Variants in ZMYM2 observed in about 807,000 individuals in gnomAD.
The protein encoded by ZMYM2 is zinc finger MYM-type containing 2.
A neutral mutation model predicts 162.8 loss-of-function variants in ZMYM2; 56 were observed. That is an observed-to-expected ratio of 0.34 (90% confidence interval 0.28 to 0.43). The LOEUF (loss-of-function observed/expected upper bound fraction) is 0.43, where lower values mean the gene tolerates loss of function less well. Among genes scored for constraint, ZMYM2 ranks in the 20% least tolerant of loss-of-function variants. The pLI is 1.00. For missense variants in ZMYM2, 1,275 were observed against 1,621.8 expected, an observed-to-expected ratio of 0.79 and a Z score of 3.67; for synonymous variants, 510 against 541.6, an observed-to-expected ratio of 0.94 and a Z score of 0.81.
intron 6 of ZMYM2, among the ~76,000 whole-genome samples, chr13:20,015,755 C>G (rs966145772): frequency 3.9e-5 from 6 of 152,052 alleles, no homozygotes; most frequent in African/African-American, 1.4e-4. Context: ...GTCAGTTTTT[C>G]ACATATAGGC....
chr13:19,959,496 AG>A (rs1015061755), intron 1 of ZMYM2, among the ~76,000 whole-genome samples: 16 of 151,138 alleles, frequency 1.1e-4, no homozygotes, highest in Admixed American at 3.3e-4. Flanking sequence ...CGCCGACTGC[AG>A]GGGGGGGCAA....
chr13:20,005,809 A>G (rs1950696446), intron 5 of ZMYM2, among the ~76,000 whole-genome samples: 1 of 152,130 alleles, frequency 6.6e-6, no homozygotes, highest in South Asian at 2.1e-4. Flanking sequence ...TATCACCACT[A>G]CCCAAACTTG....
the ZMYM2 span, among the ~76,000 whole-genome samples, chr13:19,884,684 C>G: frequency 6.6e-6 from 1 of 152,092 alleles, no homozygotes; most frequent in African/African-American, 2.4e-5. Flanking sequence ...GTAGCACGTC[C>G]GGACTTCGTT....
At chr13:19,870,065 G>T in the ZMYM2 span, among the ~76,000 whole-genome samples, 2 of 152,202 alleles carry the variant, frequency 1.3e-5, no homozygotes, top group African/African-American at 4.8e-5. Context: ...CCTGACAGGG[G>T]CTGATGGATC....
At chr13:19,968,759 A>G (rs1164743320) in intron 2 of ZMYM2, among the ~76,000 whole-genome samples, 2 of 152,210 alleles carry the variant, frequency 1.3e-5, no homozygotes, top group African/African-American at 4.8e-5. Context: ...ATTTTGCAAA[A>G]ACTTGAGAAA....
the ZMYM2 span, among the ~76,000 whole-genome samples, chr13:19,898,357 C>G: frequency 5.1e-3 from 781 of 151,836 alleles, 4 homozygotes; most frequent in Non-Finnish European, 9.0e-3. Context: ...CTCAGCCTCC[C>G]GAGTAGCTGG....
At chr13:19,933,411 TTG>T in the ZMYM2 span, among the ~76,000 whole-genome samples, 1 of 152,244 alleles carries the variant, frequency 6.6e-6, no homozygotes, top group Admixed American at 6.5e-5. Context: ...ACTGTATGTC[TTG>T]TGTTTATTAT....
intron 2 of ZMYM2, among the ~76,000 whole-genome samples, chr13:19,966,077 C>T (rs1477203005): frequency 5.9e-5 from 9 of 151,494 alleles, no homozygotes. Flanking sequence ...CCGCACCAGG[C>T]CTGAATTCTT....
chr13:20,017,940 G>A (rs891064371), intron 6 of ZMYM2, among the ~76,000 whole-genome samples: 1 of 152,024 alleles, frequency 6.6e-6, no homozygotes, highest in Non-Finnish European at 1.5e-5. Context: ...AGTTTTCCTG[G>A]TGTTTGGCAT....
chr13:20,067,065 G>A, intron 20 of ZMYM2, 46 bp downstream of exon 20: 1 of 1,518,320 alleles, frequency 6.6e-7, no homozygotes, highest in Non-Finnish European at 8.8e-7. Context: ...TTAAAATCAA[G>A]ATTTCTGTTA....
intron 2 of ZMYM2, among the ~76,000 whole-genome samples, chr13:19,983,875 G>A (rs982798529): frequency 1.1e-4 from 17 of 151,740 alleles, no homozygotes; most frequent in African/African-American, 2.9e-4. Context: ...AGATCTGCCC[G>A]CCATGGCCTC....
the ZMYM2 span, among the ~76,000 whole-genome samples, chr13:19,896,795 C>T: frequency 2.0e-5 from 3 of 150,620 alleles, no homozygotes; most frequent in Non-Finnish European, 4.4e-5. Flanking sequence ...GAATGGAATC[C>T]ACTGGGTGTT....
At chr13:20,040,573 A>G (rs1425999073) in intron 12 of ZMYM2, among the ~76,000 whole-genome samples, 1 of 152,034 alleles carries the variant, frequency 6.6e-6, no homozygotes, top group African/African-American at 2.4e-5. Flanking sequence ...TTATTGATCT[A>G]TTGAATGGTT....
At chr13:19,924,988 G>A in the ZMYM2 span, among the ~76,000 whole-genome samples, 1 of 151,392 alleles carries the variant, frequency 6.6e-6, no homozygotes, top group African/African-American at 2.4e-5. Flanking sequence ...AGGTTCAAGT[G>A]ATTCTCCTGC....
At chr13:19,901,971 T>C in the ZMYM2 span, among the ~76,000 whole-genome samples, 1 of 152,020 alleles carries the variant, frequency 6.6e-6, no homozygotes, top group African/African-American at 2.4e-5. Flanking sequence ...TAAAATTTTT[T>C]AGATAGAGGG....
At chr13:19,906,536 ATAT>A in the ZMYM2 span, among the ~76,000 whole-genome samples, 18 of 5,108 alleles carry the variant, frequency 3.5e-3, no homozygotes, top group South Asian at 0.019. Context: ...ATATATATAT[ATAT>A]TTTTTTTGTT....
At chr13:19,927,857 T>A in the ZMYM2 span, among the ~76,000 whole-genome samples, 29 of 152,220 alleles carry the variant, frequency 1.9e-4, no homozygotes, top group African/African-American at 6.3e-4. Flanking sequence ...ACATAATATT[T>A]CACTATAGTC....
At chr13:19,881,122 C>T in the ZMYM2 span, among the ~76,000 whole-genome samples, 1 of 151,702 alleles carries the variant, frequency 6.6e-6, no homozygotes, top group Non-Finnish European at 1.5e-5. Context: ...CTCCTGACCT[C>T]GTGATCTGCC....
intron 6 of ZMYM2, among the ~76,000 whole-genome samples, chr13:20,017,077 A>G (rs61496342): frequency 0.1 from 15,664 of 152,038 alleles, 1,320 homozygotes; most frequent in African/African-American, 0.22. Flanking sequence ...TTTACTGCAA[A>G]TTGTTGGTAA....
Sources: allele counts gnomAD v4.1 joint callset (sites outside exome capture counted in the v4.1 genomes callset), GRCh38; gene constraint gnomAD v4.1.1; transcripts MANE v1.5; gene names NCBI Gene and HGNC (gene_info 2026-07-23, HGNC 2026-07-21).